The following CEP83 variants were observed in gnomAD, a reference collection of about 807,000 sequenced individuals.
The protein encoded by CEP83 is centrosomal protein of 83 kDa.
In CEP83, 70 loss-of-function variants were observed where a neutral mutation model predicts 101.9. The ratio of observed to expected loss-of-function variants is 0.69; its 90% CI spans 0.57 to 0.84. The LOEUF (loss-of-function observed/expected upper bound fraction) is 0.84, where lower values mean the gene tolerates loss of function less well. Ranked by LOEUF, CEP83 falls within the 40% of genes least tolerant of loss-of-function variation. CEP83 has a pLI of 0.00. For synonymous variants in CEP83, 264 were observed against 267.9 expected, an observed-to-expected ratio of 0.99 and a Z score of 0.14; for missense variants, 715 against 787.2, an observed-to-expected ratio of 0.91 and a Z score of 1.10.
In CEP83 at chr12:94,310,118, AAAAG is replaced by A. The variant is rs1265430407; in HGVS notation, c.1812-15_1812-12del. On this transcript the variant is annotated splice_polypyrimidine_tract_variant and intron_variant, in intron 15 of 16. Transcript: ENST00000397809. Reference sequence around the variant, plus strand: ...AAAGGAACATTTTGTCTTAAAAAGAAAAAGAAATGTTTCTTTAACATGGTTATAC... The same window carrying A: ...AAAGGAACATTTTGTCTTAAAAAGAAAAATGTTTCTTTAACATGGTTATAC... The A allele has an allele frequency of 3.5e-6, 5 of 1,449,112 alleles. No individual in the cohort carries two copies. Among genetic ancestry groups the A allele is most frequent in the Non-Finnish European group, 4.8e-6 (5 of 1,048,092 alleles). 89.8% of individuals were successfully genotyped at this position (1,449,112 alleles called of 1,614,324 possible).
At chr12:94,331,919 T>A in intron 13 of CEP83, 90 bp from the exon 14 acceptor site, 2 of 1,170,270 alleles carry the variant, frequency 1.7e-6, no homozygotes, top group African/African-American at 1.5e-5. Context: ...ACTCACTACC[T>A]GTCTGACCAC....
At position 94,313,213 on chromosome 12, in the gene CEP83, C is replaced by T. The variant is rs188624006; in HGVS notation, c.1708-196G>A. The T allele has an allele frequency of 2.8e-5, 9 of 326,904 alleles. No homozygotes were observed. In the Admixed American group the frequency reaches 3.5e-4, roughly 13 times the overall value. The allele number at this position is 326,904 out of a possible 1,614,324, so 20.3% of individuals were successfully genotyped here. A position where few individuals can be genotyped will look rare whatever the true frequency, so the allele number is the denominator to read the frequency against. ...AAACCACAAATCTATCTAATATTCT[C>T]AATGTGACAATTAATTATGAATGCC... On this transcript the variant is annotated intron_variant, in intron 14 of 16. Transcript: ENST00000397809.
chr12:94,442,226 G>A (rs1437284389), intron 1 of CEP83, among the ~76,000 whole-genome samples: 2 of 151,996 alleles, frequency 1.3e-5, no homozygotes, highest in African/African-American at 2.4e-5. Context: ...CACAGCAACC[G>A]AGATGGAATT....
At chr12:94,281,244 A>T in the CEP83 span, among the ~76,000 whole-genome samples, 1 of 152,122 alleles carries the variant, frequency 6.6e-6, no homozygotes, top group East Asian at 1.9e-4. Flanking sequence ...GCGCCACTGT[A>T]CTCCAGCCTG....
At chr12:94,347,338 T>C (rs1490700800) in intron 11 of CEP83, among the ~76,000 whole-genome samples, 1 of 151,954 alleles carries the variant, frequency 6.6e-6, no homozygotes, top group East Asian at 1.9e-4. Flanking sequence ...GACAATAAAA[T>C]TAAGACCACA....
In CEP83 at chr12:94,433,438, T is replaced by C. The variant is rs922853090; in HGVS notation, c.-102+1837A>G. On this transcript the variant is annotated intron_variant, in intron 2 of 16. Coordinates refer to ENST00000397809, the MANE Select transcript of CEP83 (RefSeq NM_016122.3). ...GCTCATACCTATAATCCTAGCACTT[T>C]AGGAGGTCAAGGCAGGCAGATGCCT... 2.0e-5 allele frequency among the ~76,000 whole-genome samples: 3 copies of C among 152,170 alleles called. No homozygotes were observed. The Middle Eastern group carries it at 0.01, about 518-fold the overall frequency.
intron 6 of CEP83, among the ~76,000 whole-genome samples, chr12:94,391,210 T>A (rs1226834877): frequency 1.3e-5 from 2 of 152,102 alleles, no homozygotes; most frequent in Non-Finnish European, 2.9e-5. Context: ...GGAAAAAGTG[T>A]TAAGGGCAGG....
chr12:94,274,817 C>T, the CEP83 span, among the ~76,000 whole-genome samples: 1 of 152,330 alleles, frequency 6.6e-6, no homozygotes, highest in East Asian at 1.9e-4. Context: ...TATTTAACCT[C>T]TCTGTGCCTC....
chr12:94,322,057 G>A (rs77271674), intron 14 of CEP83, among the ~76,000 whole-genome samples: 6,613 of 152,208 alleles, frequency 0.043, 191 homozygotes, highest in East Asian at 0.081. Context: ...AGGGAGGCAC[G>A]GACCTGTTGC....
intron 2 of CEP83, among the ~76,000 whole-genome samples, chr12:94,426,352 T>TCC (rs1157000072): frequency 1.3e-5 from 2 of 152,082 alleles, no homozygotes; most frequent in Non-Finnish European, 2.9e-5. Flanking sequence ...GTAAAGACCC[T>TCC]CCCAAATAGT....
chr12:94,272,370 GTAAGCA>G, the CEP83 span: 1 of 152,418 alleles, frequency 6.6e-6, no homozygotes, highest in Non-Finnish European at 1.5e-5. Flanking sequence ...CCAGCAGGAT[GTAAGCA>G]GGGCTGTAGA....
chr12:94,431,290 A>G (rs891544329), intron 2 of CEP83, among the ~76,000 whole-genome samples: 1 of 152,212 alleles, frequency 6.6e-6, no homozygotes, highest in African/African-American at 2.4e-5. Flanking sequence ...ACAAAAATCA[A>G]CTCAAGATGG....
At chr12:94,380,083 AAAAAAAAC>A (rs771924134) in intron 6 of CEP83, among the ~76,000 whole-genome samples, 10,405 of 146,562 alleles carry the variant, frequency 0.071, 270 homozygotes, top group Admixed American at 0.11. Context: ...AAAAAAAAAA[AAAAAAAAC>A]AAAAAACAAA....
chr12:94,425,058 C>T lies in CEP83; in HGVS notation c.-102+10217G>A, dbSNP rs527843738. The T allele has an allele frequency of 3.0e-4, 77 of 254,364 alleles. No individual in the cohort carries two copies. In the African/African-American group the frequency reaches 3.0e-3, roughly 10 times the overall value. The allele number at this position is 254,364 out of a possible 1,614,324, so 15.8% of individuals were successfully genotyped here. A position where few individuals can be genotyped will look rare whatever the true frequency, so the allele number is the denominator to read the frequency against. On this transcript the variant is annotated intron_variant, in intron 2 of 16. Transcript: ENST00000397809. ...GACGGGGAGGGAGGGAGGAGGGGAT[C>T]GAGGGAAAGGGGGAGAGGGAGGGAG...
intron 6 of CEP83, among the ~76,000 whole-genome samples, chr12:94,396,799 G>GT (rs2062929122): frequency 6.6e-6 from 1 of 152,126 alleles, no homozygotes; most frequent in Admixed American, 6.6e-5. Flanking sequence ...CAAGTACTGT[G>GT]TAAGTCCTAA....
the CEP83 span, among the ~76,000 whole-genome samples, chr12:94,275,285 A>T: frequency 6.6e-6 from 1 of 152,240 alleles, no homozygotes; most frequent in Non-Finnish European, 1.5e-5. Flanking sequence ...CATCTCTCTG[A>T]CATCCCAGCC....
chr12:94,441,356 T>G (rs2066381986), intron 1 of CEP83, among the ~76,000 whole-genome samples: 1 of 151,912 alleles, frequency 6.6e-6, no homozygotes, highest in Non-Finnish European at 1.5e-5. Context: ...CATCAAAAAT[T>G]AGGGAAAGGA....
intron 11 of CEP83, among the ~76,000 whole-genome samples, chr12:94,351,429 G>T (rs1201805904): frequency 6.6e-6 from 1 of 152,176 alleles, no homozygotes; most frequent in Non-Finnish European, 1.5e-5. Flanking sequence ...AATACATGCT[G>T]CCATGGGGTT....
intron 13 of CEP83, among the ~76,000 whole-genome samples, chr12:94,332,838 T>C (rs1156596656): frequency 1.3e-5 from 2 of 151,758 alleles, no homozygotes; most frequent in African/African-American, 4.8e-5. Context: ...AAGAAGAAAT[T>C]TGAAAAGAAT....
Sources: gnomAD v4.1 joint callset for allele counts (sites outside exome capture counted in the v4.1 genomes callset) on GRCh38, gnomAD v4.1.1 for gene constraint, MANE v1.5 for transcripts, NCBI Gene and HGNC (gene_info 2026-07-23, HGNC 2026-07-21) for gene names.